Variants in RIPK4 observed in about 807,000 individuals in gnomAD.
RIPK4 encodes receptor interacting serine/threonine kinase 4.
RIPK4 carries 17 observed loss-of-function variants against 42.9 expected under a neutral mutation model. That is an observed-to-expected ratio of 0.40 (90% CI 0.27 to 0.59). The LOEUF (loss-of-function observed/expected upper bound fraction) is 0.59. Among genes scored for constraint, RIPK4 ranks in the 20% least tolerant of loss-of-function variants. The pLI is 0.47. For missense variants in RIPK4, 897 were observed against 1,104.4 expected, an observed-to-expected ratio of 0.81 and a Z score of 2.66; for synonymous variants, 498 against 499.1, an observed-to-expected ratio of 1.00 and a Z score of 0.03.
Position 41,741,721 on chromosome 21 carries a change from A to C in RIPK4, c.1472T>G (p.Leu491Arg). Residue 491 changes from leucine to arginine, a missense_variant, in exon 8 of 8, where the codon CTG becomes CGG. By Grantham distance (102) the Leu-to-Arg change is moderately radical. Transcript: ENST00000332512. ...RRVRGVVELLLARKISVNAKD... is the reference protein window; with the variant it reads ...RRVRGVVELLRARKISVNAKD... ...GGCGTTGACACTGATCTTCCGCGCC[A>C]GCAGGAGCTCCACGACACCCCGCAC... 6.2e-7 allele frequency: 1 copy of C among 1,613,268 alleles called. No individual in the cohort carries two copies. The highest frequency in any genetic ancestry group is 1.3e-5 in the African/African-American group (1 of 75,060).
rs1383635661 is a variant in RIPK4 at position 41,742,137 on chromosome 21, G to C, written c.1196-140C>G. On this transcript the variant is annotated intron_variant, in intron 7 of 7. Coordinates refer to ENST00000332512, the MANE Select transcript of RIPK4 (RefSeq NM_020639.3). This position sits in a 1 kb window ranked among gnomAD's most constrained non-coding sequence, Gnocchi z 5.1. ...TCGCTGGTCACCCGACTGTGTTTGA[G>C]CGTTGTCTGTGCCTCGTGATTAAGG... 1 of 776,798 alleles carries C rather than the reference G, an allele frequency of 1.3e-6. No homozygotes were observed. Among genetic ancestry groups the C allele is most frequent in the Non-Finnish European group, 2.1e-6 (1 of 479,966 alleles). 48.1% of individuals were successfully genotyped at this position (776,798 alleles called of 1,614,324 possible). A position where few individuals can be genotyped will look rare whatever the true frequency, so the allele number is the denominator to read the frequency against.
intron 3 of RIPK4, 137 bp downstream of exon 3, chr21:41,750,960 G>A (rs867949064): frequency 1.8e-6 from 2 of 1,089,662 alleles, no homozygotes; most frequent in Non-Finnish European, 2.6e-6. Flanking sequence ...TTACAGGCGT[G>A]AGTCACCGCG....
At chr21:41,756,211 C>T (rs918195765) in intron 2 of RIPK4, among the ~76,000 whole-genome samples, 5 of 152,170 alleles carry the variant, frequency 3.3e-5, no homozygotes, top group Non-Finnish European at 4.4e-5. Flanking sequence ...AACCTGATTT[C>T]ATAAGACCAA....
rs1032510803 is a variant in RIPK4 at position 41,755,040 on chromosome 21, G to A, written c.474+1485C>T. ...TTCCGGTATTCAGTGCACGTTGGAC[G>A]GCAGAGCTTACTAGTCATTAGGGCC... On this transcript the variant is annotated intron_variant, in intron 2 of 7. Transcript: ENST00000332512. This position sits in a 1 kb window ranked among gnomAD's most constrained non-coding sequence, Gnocchi z 4.2. Among the ~76,000 whole-genome samples, 1 of 152,126 alleles carries A rather than the reference G, an allele frequency of 6.6e-6. No individual in the cohort carries two copies. The highest frequency in any genetic ancestry group is 1.5e-5 in the Non-Finnish European group (1 of 68,030).
At chr21:41,758,041 TAGAGAGAGAGAGAG>T (rs71188681) in intron 1 of RIPK4, among the ~76,000 whole-genome samples, 13 of 58,484 alleles carry the variant, frequency 2.2e-4, no homozygotes, top group African/African-American at 1.2e-3. Context: ...TATATATATA[TAGAGAGAGAGAGAG>T]AGAGAGAGAG....
intron 3 of RIPK4, among the ~76,000 whole-genome samples, chr21:41,750,671 T>C (rs913217381): frequency 5.9e-5 from 9 of 152,108 alleles, no homozygotes; most frequent in African/African-American, 2.2e-4. Context: ...TATGTGGACT[T>C]AGCCCCCTTT....
intron 1 of RIPK4, among the ~76,000 whole-genome samples, chr21:41,762,637 G>C (rs770313264): frequency 6.6e-6 from 1 of 152,202 alleles, no homozygotes; most frequent in Non-Finnish European, 1.5e-5. Context: ...TCAGGTACTC[G>C]AAGCACAGAA....
Position 41,741,397 on chromosome 21 carries a change from G to C in RIPK4, c.1796C>G (p.Ala599Gly), listed in dbSNP as rs771432497. 1.9e-6 allele frequency: 3 copies of C among 1,612,724 alleles called. No homozygotes were observed. The highest frequency in any genetic ancestry group is 8.5e-7 in the Non-Finnish European group (1 of 1,179,924). Residue 599 changes from alanine to glycine, a missense_variant, in exon 8 of 8, where the codon GCC becomes GGC. Ala to Gly is a moderately conservative substitution (Grantham distance 60, BLOSUM62 0). Transcript: ENST00000332512. Reference protein sequence around the residue: ...LAKQPGVSVNAQTLDGRTPLH... With the variant: ...LAKQPGVSVNGQTLDGRTPLH... ...TGGCGTCCTCCCATCCAGCGTCTGGGCGTTCACACTCACCCCCGGCTGCTT... is the reference window on the plus strand; with the variant it reads ...TGGCGTCCTCCCATCCAGCGTCTGGCCGTTCACACTCACCCCCGGCTGCTT...
chr21:41,745,413 C>T lies in RIPK4; in HGVS notation c.936+346G>A, dbSNP rs1228637755. On this transcript the variant is annotated intron_variant, in intron 6 of 7. Coordinates refer to ENST00000332512, the MANE Select transcript of RIPK4 (RefSeq NM_020639.3). ...GGCAGCTATAAAGGAACTGGATCCC[C>T]GAGCCAGGGGTGCAAAGACACTCAG... Among the ~76,000 whole-genome samples, 7 of 152,322 alleles carry T rather than the reference C, an allele frequency of 4.6e-5. No individual in the cohort carries two copies. In the East Asian group the frequency reaches 1.2e-3, roughly 25 times the overall value.
At chr21:41,743,760 AAAG>A (rs1601674943) in intron 7 of RIPK4, 119 bp downstream of exon 7, 6 of 1,290,104 alleles carry the variant, frequency 4.7e-6, no homozygotes, top group African/African-American at 1.5e-5. Context: ...GAGAGAACAC[AAAG>A]AAGAATTCTT....
intron 1 of RIPK4, among the ~76,000 whole-genome samples, chr21:41,761,838 C>A (rs550215926): frequency 6.6e-6 from 1 of 152,168 alleles, no homozygotes; most frequent in African/African-American, 2.4e-5. Flanking sequence ...CATAAAACCC[C>A]GGTGACTTCT....
rs574612576 is a variant in RIPK4, at chr21:41,742,173, C to T, written c.1196-176G>A. Among the ~76,000 whole-genome samples, 3 of 152,230 alleles carry T rather than the reference C, an allele frequency of 2.0e-5. No homozygotes were observed. The highest frequency in any genetic ancestry group is 6.5e-5 in the Admixed American group (1 of 15,300). On this transcript the variant is annotated intron_variant, in intron 7 of 7. Coordinates refer to ENST00000332512, the MANE Select transcript of RIPK4 (RefSeq NM_020639.3). The surrounding 1 kb of genome is among the most constrained non-coding windows in gnomAD (Gnocchi z 5.1). ...GCCTCGTGATTAAGGTCAGTCCTAG[C>T]GGGAGCCCCGGGGCAGGCTGGCGAA...
intron 1 of RIPK4, 113 bp from the exon 2 acceptor site, chr21:41,756,929 TGC>T (rs1367602625): frequency 5.7e-6 from 6 of 1,047,216 alleles, no homozygotes; most frequent in Non-Finnish European, 8.3e-6. Context: ...ATGCCTCAAG[TGC>T]ACACACATGG....
At chr21:41,752,827 G>A (rs548525512) in intron 2 of RIPK4, among the ~76,000 whole-genome samples, 13 of 152,278 alleles carry the variant, frequency 8.5e-5, no homozygotes, top group African/African-American at 3.1e-4. Context: ...CTGTCGGTGC[G>A]TAGGGGAAGA....
rs1601681545 is a variant in RIPK4, at chr21:41,755,198, A to G, written c.474+1327T>C. Among the ~76,000 whole-genome samples the G allele has an allele frequency of 2.0e-5, 3 of 152,238 alleles. No individual in the cohort carries two copies. Among genetic ancestry groups the G allele is most frequent in the African/African-American group, 7.2e-5 (3 of 41,534 alleles). On this transcript the variant is annotated intron_variant, in intron 2 of 7. Transcript: ENST00000332512. The surrounding 1 kb of genome is among the most constrained non-coding windows in gnomAD (Gnocchi z 4.2). The stretch of plus-strand genomic sequence containing the variant: ...CCCAGAACATAAGCAGATGCGGGAA[A>G]CCACCAGAGAGCCCGTTCAAGCCAA...
intron 1 of RIPK4, among the ~76,000 whole-genome samples, chr21:41,762,894 T>A (rs2061225074): frequency 6.6e-6 from 1 of 152,142 alleles, no homozygotes; most frequent in Non-Finnish European, 1.5e-5. Context: ...CCAAATCGCA[T>A]TTCTTACTGT....
At chr21:41,763,695 T>C (rs1258413372) in intron 1 of RIPK4, among the ~76,000 whole-genome samples, 3 of 151,692 alleles carry the variant, frequency 2.0e-5, no homozygotes, top group Non-Finnish European at 4.4e-5. Context: ...CTCGGAGGGG[T>C]TCCCACACGG....
chr21:41,756,913 G>C (rs2061205437), intron 1 of RIPK4, 97 bp from the exon 2 acceptor site: 2 of 1,307,398 alleles, frequency 1.5e-6, no homozygotes, highest in African/African-American at 1.5e-5. Context: ...CCAGAGGGCT[G>C]AGCAAATGCC....
Position 41,741,206 on chromosome 21 carries a change from TG to T in RIPK4, c.1986del (p.Lys663ArgfsTer4). ...TAGCCGTCTGAGGTCATGGCCTCCT[TG>T]CCAGCGCCCCGATGCAGGAGCAGCC... is the stretch of plus-strand genomic sequence containing the variant. Reference protein sequence around the residue: ...TARLLLHRGAGKEAMTSDGYT... With the variant: ...TARLLLHRGAXKEAMTSDGYT... On this transcript the variant is annotated frameshift_variant, in exon 8 of 8. Coordinates refer to ENST00000332512, the MANE Select transcript of RIPK4 (RefSeq NM_020639.3). LOFTEE classifies it low-confidence loss of function (END_TRUNC). 1 of 1,609,688 alleles carries T rather than the reference TG, an allele frequency of 6.2e-7. No individual in the cohort carries two copies.
Sources: allele counts gnomAD v4.1 joint callset (sites outside exome capture counted in the v4.1 genomes callset), GRCh38; gene constraint gnomAD v4.1.1; non-coding constraint Gnocchi (gnomAD v3.1); transcripts MANE v1.5; gene names NCBI Gene and HGNC (gene_info 2026-07-23, HGNC 2026-07-21).